Variants in GRID2 observed in about 807,000 individuals in gnomAD.
The protein encoded by GRID2 is glutamate receptor ionotropic, delta-2.
In GRID2, 33 loss-of-function variants were observed where a neutral mutation model predicts 114.8. The ratio of observed to expected loss-of-function variants is 0.29; its 90% CI spans 0.22 to 0.38. The LOEUF (loss-of-function observed/expected upper bound fraction) is 0.38. Ranked by LOEUF, GRID2 falls within the 10% of genes least tolerant of loss-of-function variation. The pLI is 1.00. For synonymous variants in GRID2, 505 were observed against 449.9 expected (o/e 1.12, Z -1.55); for missense variants, 1,184 against 1,257.7 (o/e 0.94, Z 0.89).
chr4:93,244,971 T>C (rs1748036897), intron 8 of GRID2, among the ~76,000 whole-genome samples: 1 of 151,942 alleles, frequency 6.6e-6, no homozygotes, highest in Non-Finnish European at 1.5e-5. Context: ...TCTGCCATAG[T>C]TATTTACTGT....
chr4:93,071,431 A>G (rs868659139), intron 2 of GRID2, among the ~76,000 whole-genome samples: 33 of 152,186 alleles, frequency 2.2e-4, no homozygotes, highest in African/African-American at 8.0e-4. Context: ...TATGTAGCTT[A>G]TATTTTAGTG....
At chr4:92,974,880 G>C (rs1009428350) in intron 2 of GRID2, among the ~76,000 whole-genome samples, 2 of 151,832 alleles carry the variant, frequency 1.3e-5, no homozygotes, top group East Asian at 3.9e-4. Flanking sequence ...TTAACAGGCC[G>C]GGAGCGGCGG....
At chr4:93,047,338 A>T (rs1028968213) in intron 2 of GRID2, among the ~76,000 whole-genome samples, 2 of 152,124 alleles carry the variant, frequency 1.3e-5, no homozygotes, top group African/African-American at 4.8e-5. Context: ...GTTAACAATA[A>T]TGTGTCAATA....
At chr4:93,301,332 A>T (rs1212931175) in intron 8 of GRID2, among the ~76,000 whole-genome samples, 1 of 152,212 alleles carries the variant, frequency 6.6e-6, no homozygotes, top group Non-Finnish European at 1.5e-5. Flanking sequence ...ACCTATAATT[A>T]TGTGGGGAGT....
At chr4:92,656,660 T>C (rs1732254369) in intron 2 of GRID2, among the ~76,000 whole-genome samples, 1 of 151,666 alleles carries the variant, frequency 6.6e-6, no homozygotes, top group African/African-American at 2.4e-5. Flanking sequence ...AAACCTACAA[T>C]TGCTCTGTCA....
intron 1 of GRID2, among the ~76,000 whole-genome samples, chr4:92,492,689 C>T (rs1455485577): frequency 1.3e-5 from 2 of 152,108 alleles, no homozygotes; most frequent in Non-Finnish European, 2.9e-5. Context: ...AGCTCAAAGG[C>T]TCCTAGGAAC....
intron 1 of GRID2, among the ~76,000 whole-genome samples, chr4:92,319,195 C>G (rs529142704): frequency 2.5e-4 from 38 of 152,076 alleles, no homozygotes; most frequent in Non-Finnish European, 4.6e-4. Context: ...TTTCCTTTAT[C>G]TTATATGCAT....
intron 8 of GRID2, among the ~76,000 whole-genome samples, chr4:93,354,997 T>C (rs999738083): frequency 2.0e-5 from 3 of 151,354 alleles, no homozygotes; most frequent in African/African-American, 7.3e-5. Context: ...TATTCTACAT[T>C]TATAAATCAG....
intron 2 of GRID2, among the ~76,000 whole-genome samples, chr4:93,050,109 A>C (rs1277734836): frequency 6.6e-6 from 1 of 152,008 alleles, no homozygotes; most frequent in Non-Finnish European, 1.5e-5. Context: ...TGTTTTCTGA[A>C]AGCAAAGAGA....
chr4:93,568,879 G>C (rs1441917707), intron 13 of GRID2, among the ~76,000 whole-genome samples: 1 of 152,130 alleles, frequency 6.6e-6, no homozygotes, highest in Non-Finnish European at 1.5e-5. Context: ...TGTTGGTATT[G>C]TGGCCAAACC....
At chr4:92,980,768 T>C (rs935408962) in intron 2 of GRID2, among the ~76,000 whole-genome samples, 2 of 152,120 alleles carry the variant, frequency 1.3e-5, no homozygotes, top group Admixed American at 6.6e-5. Context: ...TAGAAAAGCA[T>C]TGAAACTCAT....
intron 8 of GRID2, among the ~76,000 whole-genome samples, chr4:93,288,384 G>C (rs1192246228): frequency 6.6e-6 from 1 of 152,152 alleles, no homozygotes; most frequent in African/African-American, 2.4e-5. Flanking sequence ...TGTCAGCTGG[G>C]TTTCTGGTGC....
intron 1 of GRID2, among the ~76,000 whole-genome samples, chr4:92,464,192 A>T (rs574910585): frequency 6.6e-6 from 1 of 152,062 alleles, no homozygotes; most frequent in Non-Finnish European, 1.5e-5. Flanking sequence ...TCACAGCAAA[A>T]ACCAAAAGAA....
intron 14 of GRID2, among the ~76,000 whole-genome samples, chr4:93,655,463 T>C (rs1722919796): frequency 6.6e-6 from 1 of 152,096 alleles, no homozygotes; most frequent in South Asian, 2.1e-4. Context: ...TGGAAAATCA[T>C]TTCTTTTTTT....
At chr4:93,633,389 T>A (rs2149701704) in intron 14 of GRID2, among the ~76,000 whole-genome samples, 1 of 152,220 alleles carries the variant, frequency 6.6e-6, no homozygotes. Flanking sequence ...ATCTTGATAC[T>A]TCTTACACTT....
At chr4:93,608,607 C>A (rs1321137496) in intron 13 of GRID2, among the ~76,000 whole-genome samples, 5 of 141,692 alleles carry the variant, frequency 3.5e-5, no homozygotes, top group African/African-American at 1.3e-4. Context: ...TGATGGTTTC[C>A]AATTTCATCC....
At chr4:93,085,364 C>G (rs1336245268) in intron 3 of GRID2, 85 bp downstream of exon 3, 5 of 1,014,164 alleles carry the variant, frequency 4.9e-6, no homozygotes, top group Non-Finnish European at 6.0e-6. Context: ...TTTCAAGGGT[C>G]TTACTCATTG....
intron 2 of GRID2, among the ~76,000 whole-genome samples, chr4:92,811,376 A>C (rs887579528): frequency 3.3e-5 from 5 of 151,992 alleles, no homozygotes; most frequent in Non-Finnish European, 7.4e-5. Context: ...TAATATTTTC[A>C]GTATTATCTG....
chr4:93,452,888 G>A (rs1399652578), intron 10 of GRID2, among the ~76,000 whole-genome samples: 1 of 151,226 alleles, frequency 6.6e-6, no homozygotes, highest in African/African-American at 2.4e-5. Context: ...GTGGTCCTTG[G>A]CCTTTTTTTT....
Sources: allele counts gnomAD v4.1 joint callset (sites outside exome capture counted in the v4.1 genomes callset), GRCh38; gene constraint gnomAD v4.1.1; transcripts MANE v1.5; gene names NCBI Gene and HGNC (gene_info 2026-07-23, HGNC 2026-07-21).